Variants in GK observed in about 807,000 individuals in gnomAD.
The protein encoded by GK is glycerol kinase.
GK carries 9 observed loss-of-function variants against 56.4 expected under a neutral mutation model. The ratio of observed to expected loss-of-function variants is 0.16; its 90% CI spans 0.10 to 0.28. The LOEUF is 0.28. Among genes scored for constraint, GK ranks in the 10% least tolerant of loss-of-function variants. GK has a pLI of 1.00. For synonymous variants in GK, 104 were observed against 144.1 expected, an observed-to-expected ratio of 0.72 and a Z score of 1.99; for missense variants, 161 against 431.4, an observed-to-expected ratio of 0.37 and a Z score of 5.55.
intron 1 of GK, among the ~76,000 whole-genome samples, chrX:30,660,865 T>G (rs1357251697): frequency 6.0e-5 from 6 of 100,319 alleles, no homozygotes; most frequent in Admixed American, 1.2e-4. Context: ...CAGGCTGGAG[T>G]GCAGTGGCGT....
chrX:30,702,200 G>A (rs1935712660), intron 11 of GK, among the ~76,000 whole-genome samples: 2 of 110,303 alleles, frequency 1.8e-5, no homozygotes, highest in African/African-American at 3.3e-5. Flanking sequence ...GCGCCACCAC[G>A]CCCAGCTAAT....
chrX:30,672,973 T>A (rs1455313449), intron 3 of GK, among the ~76,000 whole-genome samples: 1 of 112,324 alleles, frequency 8.9e-6, no homozygotes, highest in Non-Finnish European at 1.9e-5. Flanking sequence ...ATTTTAATTT[T>A]AAAAAAGGAT....
chrX:30,673,574 G>A lies in GK; in HGVS notation c.260-3801G>A, dbSNP rs895093261. Among the ~76,000 whole-genome samples the A allele has an allele frequency of 7.2e-5, 8 of 111,802 alleles. No individual in the cohort carries two copies. The Admixed American group carries it at 7.6e-4, about 11-fold the overall frequency. On this transcript the variant is annotated intron_variant, in intron 3 of 20. Coordinates refer to ENST00000427190, the MANE Select transcript of GK (RefSeq NM_001205019.2). ...GGGGAGAAATAGGTAGTAAAGACAT[G>A]TTTGTGGCTGGCAGAGAATCCTGGG...
At chrX:30,713,063 C>T (rs113873608) in intron 13 of GK, among the ~76,000 whole-genome samples, 5,924 of 111,331 alleles carry the variant, frequency 0.053, 174 homozygotes, top group Non-Finnish European at 0.077. Context: ...AAGATTTCTT[C>T]GTATAGTTTA....
chrX:30,696,796 A>G (rs918817906), intron 8 of GK, 113 bp downstream of exon 8: 2 of 573,068 alleles, frequency 3.5e-6, no homozygotes, highest in South Asian at 5.2e-5. Context: ...TTCATAATTC[A>G]AAAGTCAACT....
chrX:30,727,969 T>A (rs1322259790), intron 20 of GK, among the ~76,000 whole-genome samples: 1 of 111,884 alleles, frequency 8.9e-6, no homozygotes, highest in Admixed American at 9.5e-5. Flanking sequence ...ACTTTTCAAT[T>A]CTGGCAAGTT....
chrX:30,702,234 G>A (rs1027805770), intron 11 of GK, among the ~76,000 whole-genome samples: 5 of 110,676 alleles, frequency 4.5e-5, no homozygotes, highest in Non-Finnish European at 9.5e-5. Context: ...TAGAGACGGA[G>A]TTTCTCCATG....
chrX:30,729,056 G>C lies in GK; in HGVS notation c.*314G>C, dbSNP rs1481629347. 3.3e-6 allele frequency: 1 copy of C among 299,108 alleles called. No homozygotes were observed. Among genetic ancestry groups the C allele is most frequent in the Admixed American group, 5.1e-5 (1 of 19,632 alleles). 24.6% of individuals were successfully genotyped at this position (299,108 alleles called of 1,213,427 possible). ...TCCCTCTAAGATGTAGGAAGAATTC[G>C]GATCCTTACCATTGGAATCTTCCAT... On this transcript the variant is annotated 3_prime_UTR_variant, in exon 21 of 21. Transcript: ENST00000427190.
intron 9 of GK, among the ~76,000 whole-genome samples, chrX:30,698,023 C>T (rs1482290506): frequency 1.8e-5 from 2 of 111,591 alleles, no homozygotes; most frequent in East Asian, 5.6e-4. Context: ...CTGTGATGTG[C>T]TTTGGGCTTT....
At chrX:30,711,030 T>C (rs1296563889) in intron 13 of GK, among the ~76,000 whole-genome samples, 2 of 111,499 alleles carry the variant, frequency 1.8e-5, no homozygotes, top group Non-Finnish European at 3.8e-5. Context: ...CAGTAAATCA[T>C]ATTTATTGAC....
At chrX:30,714,725 A>T (rs770114170) in intron 13 of GK, among the ~76,000 whole-genome samples, 2 of 112,315 alleles carry the variant, frequency 1.8e-5, no homozygotes, top group African/African-American at 6.5e-5. Flanking sequence ...GGATTATGCA[A>T]GGGTATGCAC....
At chrX:30,697,038 T>C (rs1935284110) in intron 8 of GK, among the ~76,000 whole-genome samples, 1 of 113,001 alleles carries the variant, frequency 8.8e-6, no homozygotes, top group Admixed American at 9.4e-5. Flanking sequence ...GTAGTGTTCT[T>C]TTTCCCGTTG....
intron 10 of GK, 39 bp from the exon 11 acceptor site, chrX:30,700,799 G>T (rs930377026): frequency 1.2e-6 from 1 of 846,189 alleles, no homozygotes; most frequent in Non-Finnish European, 1.8e-6. Context: ...TAATACTATT[G>T]TATTAGTCAG....
intron 11 of GK, among the ~76,000 whole-genome samples, chrX:30,701,851 A>T (rs948055701): frequency 2.7e-5 from 3 of 111,318 alleles, no homozygotes; most frequent in African/African-American, 9.8e-5. Flanking sequence ...GATGACTCCC[A>T]CTTTAGGATA....
At chrX:30,696,215 T>C in intron 7 of GK, 64 bp downstream of exon 7, 1 of 644,460 alleles carries the variant, frequency 1.6e-6, no homozygotes, top group Non-Finnish European at 2.6e-6. Flanking sequence ...ACCGAAATCT[T>C]AATATTTTCA....
chrX:30,701,569 T>C (rs1190323454), intron 11 of GK, among the ~76,000 whole-genome samples: 1 of 112,081 alleles, frequency 8.9e-6, no homozygotes, highest in African/African-American at 3.2e-5. Flanking sequence ...TATATAGTTT[T>C]TGGCATATTA....
chrX:30,690,307 G>A (rs1010134017), intron 4 of GK, among the ~76,000 whole-genome samples: 1 of 111,829 alleles, frequency 8.9e-6, no homozygotes, highest in Non-Finnish European at 1.9e-5. Context: ...AGTTATCGAA[G>A]TTTAAGTACA....
chrX:30,684,697 A>G (rs1419698721), intron 4 of GK, among the ~76,000 whole-genome samples: 1 of 103,391 alleles, frequency 9.7e-6, no homozygotes, highest in African/African-American at 3.5e-5. Flanking sequence ...AAAAAAAAGC[A>G]TTCACAGTAG....
chrX:30,684,571 C>T (rs1461177424), intron 4 of GK, among the ~76,000 whole-genome samples: 1 of 101,263 alleles, frequency 9.9e-6, no homozygotes, highest in Non-Finnish European at 2.0e-5. Context: ...GAGGCTGAGG[C>T]GGGAGAATCG....
Sources: allele counts gnomAD v4.1 joint callset (sites outside exome capture counted in the v4.1 genomes callset), GRCh38; gene constraint gnomAD v4.1.1; transcripts MANE v1.5; gene names NCBI Gene and HGNC (gene_info 2026-07-23, HGNC 2026-07-21).